SGSM2: variants seen among roughly 807,000 people sequenced by gnomAD.
The protein encoded by SGSM2 is small G protein signaling modulator 2.
Under a neutral mutation model 126.6 loss-of-function variants are expected in SGSM2, and 89 were observed. The observed-to-expected ratio is 0.70, with a 90% CI of 0.59 to 0.84. SGSM2 has a LOEUF of 0.84. Among genes scored for constraint, SGSM2 ranks in the 40% least tolerant of loss-of-function variants. The pLI, the probability that SGSM2 is intolerant of heterozygous loss-of-function variation, is 0.00. For synonymous variants in SGSM2, 614 were observed against 574.3 expected, an observed-to-expected ratio of 1.07 and a Z score of -0.99; for missense variants, 1,404 against 1,416.6, an observed-to-expected ratio of 0.99 and a Z score of 0.14.
chr17:2,358,963 T>C (rs1340890230), intron 2 of SGSM2, among the ~76,000 whole-genome samples: 1 of 147,820 alleles, frequency 6.8e-6, no homozygotes, highest in Admixed American at 6.9e-5. Flanking sequence ...CTGCAACCTC[T>C]GCCTCCCAGG....
Position 2,364,056 on chromosome 17 carries a change from T to C in SGSM2, c.808-3T>C, listed in dbSNP as rs2065444694. 1 of 1,613,864 alleles carries C rather than the reference T, an allele frequency of 6.2e-7. No homozygotes were observed. Among genetic ancestry groups the C allele is most frequent in the East Asian group, 2.2e-5 (1 of 44,850 alleles). On this transcript the variant is annotated splice_region_variant and splice_polypyrimidine_tract_variant and intron_variant, in intron 7 of 23. Transcript: ENST00000268989. ...GTCGGTCTTCCGGTGTCTCCCGCTG[T>C]AGAAGGAGGATATGGAGGCGGTCCC...
chr17:2,376,240 G>A lies in SGSM2; in HGVS notation c.2588G>A (p.Arg863Lys). The A allele has an allele frequency of 1.2e-6, 2 of 1,613,918 alleles. No homozygotes were observed. Among genetic ancestry groups the A allele is most frequent in the Admixed American group, 1.7e-5 (1 of 60,020 alleles). The change falls in exon 19 of 24, where the codon AGG becomes AAG. Residue 863 changes from arginine (R) to lysine (K), a missense_variant. Coordinates refer to ENST00000268989, the MANE Select transcript of SGSM2 (RefSeq NM_014853.3). ...TACTTCACGCCCCCCAACCTCGAGA[G>A]GCTCAGAGACGTCATGTGCAGGTGC... ...YWYFTPPNLE[R>K]LRDVMCSYVW...
Position 2,363,794 on chromosome 17 carries a change from C to A in SGSM2, c.807+195C>A. ...GGCAGGGGACAGGAATGGCAGCCAG[C>A]AGGCGAGGGGAGTCCGCAGTGTGGG... On this transcript the variant is annotated intron_variant, in intron 7 of 23. Coordinates refer to ENST00000268989, the MANE Select transcript of SGSM2 (RefSeq NM_014853.3). The surrounding 1 kb of genome is among the most constrained non-coding windows in gnomAD (Gnocchi z 4.2). 2.2e-6 allele frequency: 2 copies of A among 915,760 alleles called. No homozygotes were observed. The highest frequency in any genetic ancestry group is 2.7e-5 in the East Asian group (1 of 37,614). 56.7% of individuals were successfully genotyped at this position (915,760 alleles called of 1,614,324 possible).
In SGSM2 at chr17:2,362,142, G is replaced by A; in HGVS notation, c.330G>A (p.Arg110=). ...KPSGVSQEAL[R]RQGSASGKAP... is the part of the protein sequence containing the mutation. Reference sequence around the variant, plus strand: ...CAGGGGTCAGCCAGGAGGCCCTGCGGAGACAGGGCTCAGCCAGCGGGAAGG... The same window carrying A: ...CAGGGGTCAGCCAGGAGGCCCTGCGAAGACAGGGCTCAGCCAGCGGGAAGG... The change falls in exon 4 of 24, where the codon CGG becomes CGA. Residue 110 remains arginine, a synonymous_variant. Coordinates refer to ENST00000268989, the MANE Select transcript of SGSM2 (RefSeq NM_014853.3). This position sits in a 1 kb window ranked among gnomAD's most constrained non-coding sequence, Gnocchi z 4.9. 2 of 1,613,670 alleles carry A rather than the reference G, an allele frequency of 1.2e-6. No homozygotes were observed. The highest frequency in any genetic ancestry group is 1.7e-6 in the Non-Finnish European group (2 of 1,179,946).
At position 2,371,425 on chromosome 17, in the gene SGSM2, C is replaced by G; in HGVS notation, c.1577+10C>G. ...GCTGCATCCCCGACCGGTGAGTGGG[C>G]AGCGCTCGGCCCCAGCTTCCCGTTA... is the stretch of plus-strand genomic sequence containing the variant. On this transcript the variant is annotated intron_variant, in intron 13 of 23. Coordinates refer to ENST00000268989, the MANE Select transcript of SGSM2 (RefSeq NM_014853.3). The G allele has an allele frequency of 6.3e-7, 1 of 1,581,460 alleles. No homozygotes were observed. Among genetic ancestry groups the G allele is most frequent in the Non-Finnish European group, 8.6e-7 (1 of 1,163,016 alleles).
At chr17:2,351,413 G>T (rs2064847721) in intron 2 of SGSM2, among the ~76,000 whole-genome samples, 1 of 152,162 alleles carries the variant, frequency 6.6e-6, no homozygotes, top group Non-Finnish European at 1.5e-5. Flanking sequence ...CGAAGCTCTG[G>T]TCATTGAACT....
chr17:2,349,933 G>A (rs1050517867), intron 2 of SGSM2, among the ~76,000 whole-genome samples: 16 of 151,872 alleles, frequency 1.1e-4, no homozygotes, highest in African/African-American at 3.6e-4. Context: ...GACTACAGGC[G>A]CCCACCACCA....
chr17:2,353,983 A>G (rs537886855), intron 2 of SGSM2, among the ~76,000 whole-genome samples: 8 of 121,550 alleles, frequency 6.6e-5, no homozygotes, highest in Non-Finnish European at 1.5e-4. Flanking sequence ...ATCTCAGCTC[A>G]CTGCAACCTC....
At chr17:2,354,642 G>A (rs991542011) in intron 2 of SGSM2, among the ~76,000 whole-genome samples, 54 of 152,224 alleles carry the variant, frequency 3.5e-4, no homozygotes, top group African/African-American at 1.1e-3. Flanking sequence ...CAGAAGAGGG[G>A]TTACTGGATC....
chr17:2,348,382 C>T (rs1020859256), intron 2 of SGSM2, among the ~76,000 whole-genome samples: 2 of 152,150 alleles, frequency 1.3e-5, no homozygotes, highest in African/African-American at 4.8e-5. Flanking sequence ...AAGACCCCAT[C>T]GCCACAAAAA....
chr17:2,352,694 G>A (rs1223452528), intron 2 of SGSM2, among the ~76,000 whole-genome samples: 1 of 151,948 alleles, frequency 6.6e-6, no homozygotes, highest in Non-Finnish European at 1.5e-5. Flanking sequence ...GCAGAATGCA[G>A]GTGCAGAGAC....
In SGSM2 at chr17:2,380,032, A is replaced by ACGGGTGCGGGAGACC. The variant is rs2066346231; in HGVS notation, c.*517_*531dup. The ACGGGTGCGGGAGACC allele has an allele frequency of 5.3e-5, 74 of 1,405,032 alleles. No homozygotes were observed. Among genetic ancestry groups the ACGGGTGCGGGAGACC allele is most frequent in the Non-Finnish European group, 6.6e-5 (72 of 1,083,332 alleles). 87.0% of individuals were successfully genotyped at this position (1,405,032 alleles called of 1,614,324 possible). A position where few individuals can be genotyped will look rare whatever the true frequency, so the allele number is the denominator to read the frequency against. ...ACTGCTTCTGGTTTAGGCACACGTC[A>ACGGGTGCGGGAGACC]CGGGTGCGGGAGACCCGGGCACGGG... On this transcript the variant is annotated 3_prime_UTR_variant, in exon 24 of 24. Coordinates refer to ENST00000268989, the MANE Select transcript of SGSM2 (RefSeq NM_014853.3).
chr17:2,377,555 T>C (rs1352527409), intron 21 of SGSM2: 3 of 253,630 alleles, frequency 1.2e-5, no homozygotes, highest in South Asian at 1.3e-4. Context: ...TGAATGCTCG[T>C]GCCCATGAAA....
Position 2,340,787 on chromosome 17 carries a change from T to C in SGSM2, c.58-2758T>C, listed in dbSNP as rs566931068. On this transcript the variant is annotated intron_variant, in intron 1 of 23. Transcript: ENST00000268989. ...TTTTAGTAGAGACGGGGTTTCACCA[T>C]GTTAGCCAGGATGGTCTCGATCTCC... Among the ~76,000 whole-genome samples, 112 of 152,070 alleles carry C rather than the reference T, an allele frequency of 7.4e-4. 1 individual carries two copies. In the South Asian group the frequency reaches 0.012, roughly 16 times the overall value.
Position 2,376,175 on chromosome 17 carries a change from C to T in SGSM2, c.2523C>T (p.Arg841=). The T allele has an allele frequency of 6.2e-7, 1 of 1,614,092 alleles. No homozygotes were observed. Among genetic ancestry groups the T allele is most frequent in the Non-Finnish European group, 8.5e-7 (1 of 1,180,008 alleles). The change falls in exon 19 of 24, where the codon CGC becomes CGT. Residue 841 remains arginine (R), a synonymous_variant. Transcript: ENST00000268989. ...ACACTGTGGCCTTAAACCTGCACCGCATAGACAAGGATGTGCAGAGGTGTG... is the reference window on the plus strand; with the variant it reads ...ACACTGTGGCCTTAAACCTGCACCGTATAGACAAGGATGTGCAGAGGTGTG... ...LLDTVALNLH[R]IDKDVQRCDR...
At position 2,370,746 on chromosome 17, in the gene SGSM2, G is replaced by A. The variant is rs940967360; in HGVS notation, c.1424-516G>A. 3.9e-5 allele frequency among the ~76,000 whole-genome samples: 6 copies of A among 152,352 alleles called. No homozygotes were observed. The East Asian group carries it at 5.8e-4, about 15-fold the overall frequency. On this transcript the variant is annotated intron_variant, in intron 12 of 23. Transcript: ENST00000268989. Reference sequence around the variant, plus strand: ...ACTCCCCCAGAAGAGCCAGGCCTACGGGCAGGTGACTCAGATTCCTCGGGG... The same window carrying A: ...ACTCCCCCAGAAGAGCCAGGCCTACAGGCAGGTGACTCAGATTCCTCGGGG...
In SGSM2 at chr17:2,362,842, T is replaced by C. The variant is rs1254932090; in HGVS notation, c.463T>C (p.Tyr155His). The C allele has an allele frequency of 6.2e-7, 1 of 1,614,028 alleles. No homozygotes were observed. Among genetic ancestry groups the C allele is most frequent in the East Asian group, 2.2e-5 (1 of 44,872 alleles). Residue 155 changes from tyrosine (Y) to histidine (H), a missense_variant, in exon 5 of 24, where the codon TAC (tyrosine) becomes CAC (histidine). Coordinates refer to ENST00000268989, the MANE Select transcript of SGSM2 (RefSeq NM_014853.3). The surrounding 1 kb of genome is among the most constrained non-coding windows in gnomAD (Gnocchi z 4.9). ...ACACTGTCTGTCTCCTGGCAGCAAG[T>C]ACTACGAGAAGGAGGCACTGCTGGC... ...VQYLAENCSK[Y>H]YEKEALLADP...
rs745400 is a variant in SGSM2 at position 2,363,505 on chromosome 17, G to A, written c.713G>A (p.Arg238Lys). 762,445 of 1,612,804 alleles carry A rather than the reference G, an allele frequency of 0.47. 185,042 individuals carry two copies. The highest frequency in any genetic ancestry group is 0.78 in the East Asian group (34,932 of 44,840). The change falls in exon 7 of 24, where the codon AGG (arginine) becomes AAG (lysine). Residue 238 changes from arginine to lysine, a missense_variant. By Grantham distance (26) the Arg-to-Lys change is conservative. Coordinates refer to ENST00000268989, the MANE Select transcript of SGSM2 (RefSeq NM_014853.3). This position sits in a 1 kb window ranked among gnomAD's most constrained non-coding sequence, Gnocchi z 4.2. ...RHSSGSASED[R>K]LAACARECVE... ...TCAAGCGGCAGCGCGTCGGAGGACA[G>A]GCTGGCTGCCTGTGCCCGCGAGTGT...
intron 12 of SGSM2, among the ~76,000 whole-genome samples, chr17:2,368,397 T>C (rs1046247887): frequency 1.3e-5 from 2 of 152,054 alleles, no homozygotes; most frequent in African/African-American, 4.8e-5. Flanking sequence ...CGAGGGGAGC[T>C]TCCCCATTCC....
Sources: allele counts gnomAD v4.1 joint callset (sites outside exome capture counted in the v4.1 genomes callset), GRCh38; gene constraint gnomAD v4.1.1; non-coding constraint Gnocchi (gnomAD v3.1); transcripts MANE v1.5; gene names NCBI Gene and HGNC (gene_info 2026-07-23, HGNC 2026-07-21).